The following CCDC175 variants were observed in gnomAD, a reference collection of about 807,000 sequenced individuals.
CCDC175 encodes coiled-coil domain-containing protein 175.
A neutral mutation model predicts 114.6 loss-of-function variants in CCDC175; 100 were observed. That is an observed-to-expected ratio of 0.87 (90% CI 0.74 to 1.03). The LOEUF (loss-of-function observed/expected upper bound fraction) is 1.03. Among genes scored for constraint, CCDC175 ranks in the 50% least tolerant of loss-of-function variants. The pLI, the probability that CCDC175 is intolerant of heterozygous loss-of-function variation, is 0.00. For synonymous variants in CCDC175, 306 were observed against 308.7 expected (o/e 0.99, Z 0.09); for missense variants, 880 against 917.8 (o/e 0.96, Z 0.53).
chr14:59,568,753 A>G (rs1954846217), intron 3 of CCDC175, among the ~76,000 whole-genome samples: 1 of 152,226 alleles, frequency 6.6e-6, no homozygotes, highest in Non-Finnish European at 1.5e-5. Flanking sequence ...GGCAAGCATC[A>G]GACCAGTGAT....
intron 8 of CCDC175, among the ~76,000 whole-genome samples, chr14:59,546,529 C>A (rs1895121413): frequency 6.6e-6 from 1 of 152,122 alleles, no homozygotes; most frequent in African/African-American, 2.4e-5. Flanking sequence ...AATGAAGAAT[C>A]CAGAGCGGTA....
chr14:59,527,314 G>T, intron 14 of CCDC175, 140 bp from the exon 15 acceptor site: 1 of 480,134 alleles, frequency 2.1e-6, no homozygotes, highest in Non-Finnish European at 3.6e-6. Flanking sequence ...ACAATGCTAT[G>T]TTTACTCCTG....
At chr14:59,521,797 G>C in intron 16 of CCDC175, 121 bp from the exon 17 acceptor site, 1 of 590,078 alleles carries the variant, frequency 1.7e-6, no homozygotes, top group Non-Finnish European at 3.0e-6. Context: ...TCTAGGTACA[G>C]GGGTAACAGT....
intron 17 of CCDC175, among the ~76,000 whole-genome samples, chr14:59,513,035 A>G (rs1189512171): frequency 1.3e-5 from 2 of 152,222 alleles, no homozygotes; most frequent in Non-Finnish European, 2.9e-5. Flanking sequence ...ACAACCACAT[A>G]AAATTGATTT....
intron 7 of CCDC175, among the ~76,000 whole-genome samples, chr14:59,553,050 T>A (rs777553234): frequency 2.6e-4 from 40 of 152,162 alleles, no homozygotes; most frequent in Non-Finnish European, 4.8e-4. Flanking sequence ...TGCAGGGAAT[T>A]ATTCAGGAGA....
intron 9 of CCDC175, 90 bp from the exon 10 acceptor site, chr14:59,543,544 T>C (rs773216908): frequency 4.4e-6 from 2 of 455,552 alleles, no homozygotes; most frequent in African/African-American, 2.0e-5. Flanking sequence ...AAAGTTCAGA[T>C]CATGAGCTAT....
chr14:59,568,856 A>G (rs1483051346), intron 3 of CCDC175, among the ~76,000 whole-genome samples: 1 of 152,186 alleles, frequency 6.6e-6, no homozygotes, highest in African/African-American at 2.4e-5. Flanking sequence ...GCTTCTTCTC[A>G]TAATTAATTA....
intron 7 of CCDC175, among the ~76,000 whole-genome samples, chr14:59,557,708 A>G (rs1300121691): frequency 6.6e-6 from 1 of 152,146 alleles, no homozygotes; most frequent in Non-Finnish European, 1.5e-5. Flanking sequence ...CCATCTCCCC[A>G]TATAACATAT....
intron 13 of CCDC175, among the ~76,000 whole-genome samples, chr14:59,533,760 G>A (rs920609343): frequency 3.3e-5 from 5 of 151,890 alleles, no homozygotes; most frequent in Admixed American, 1.3e-4. Flanking sequence ...AGGCAGAGGC[G>A]GGCAGATCAC....
Position 59,505,187 on chromosome 14 carries a change from A to G in CCDC175, c.*52T>C. 1.0e-6 allele frequency: 1 copy of G among 963,544 alleles called. No homozygotes were observed. The highest frequency in any genetic ancestry group is 2.7e-5 in the East Asian group (1 of 37,140). The allele number at this position is 963,544 out of a possible 1,614,324, so 59.7% of individuals were successfully genotyped here. A position where few individuals can be genotyped will look rare whatever the true frequency, so the allele number is the denominator to read the frequency against. ...GCAAAATATGAAAGTAAGTGCACTC[A>G]CTTTTCCTGTAGTAGTCTGTCTTTT... On this transcript the variant is annotated 3_prime_UTR_variant, in exon 20 of 20. Coordinates refer to ENST00000537690, the MANE Select transcript of CCDC175 (RefSeq NM_001164399.2).
intron 8 of CCDC175, among the ~76,000 whole-genome samples, chr14:59,547,870 G>A (rs968341086): frequency 6.6e-6 from 1 of 152,036 alleles, no homozygotes; most frequent in Non-Finnish European, 1.5e-5. Flanking sequence ...CATAAATATT[G>A]TATATTTATG....
chr14:59,548,451 T>C (rs1217371486), intron 8 of CCDC175, among the ~76,000 whole-genome samples: 1 of 152,194 alleles, frequency 6.6e-6, no homozygotes, highest in Non-Finnish European at 1.5e-5. Context: ...GAGCCTTGCA[T>C]TCTTTGAAGT....
chr14:59,510,540 T>C (rs1594971843), intron 19 of CCDC175, 106 bp downstream of exon 19: 8 of 1,076,192 alleles, frequency 7.4e-6, no homozygotes, highest in African/African-American at 3.1e-5. Context: ...TAATTGGGGA[T>C]AACTAAGTCA....
intron 2 of CCDC175, among the ~76,000 whole-genome samples, chr14:59,574,666 C>T (rs1289456040): frequency 1.3e-5 from 2 of 152,150 alleles, no homozygotes; most frequent in African/African-American, 2.4e-5. Flanking sequence ...TTAACTGAAC[C>T]GTATTATCAC....
chr14:59,523,163 A>G (rs1417953267), intron 16 of CCDC175, among the ~76,000 whole-genome samples: 1 of 152,224 alleles, frequency 6.6e-6, no homozygotes, highest in African/African-American at 2.4e-5. Flanking sequence ...GAAATAATCT[A>G]TATCTTGATA....
intron 17 of CCDC175, among the ~76,000 whole-genome samples, chr14:59,520,927 T>C (rs971148722): frequency 1.3e-5 from 2 of 152,230 alleles, no homozygotes; most frequent in African/African-American, 4.8e-5. Context: ...TACAATAGCA[T>C]GTACATTTGT....
rs185322961 is a variant in CCDC175, at chr14:59,547,465, G to A, written c.1036-2166C>T. On this transcript the variant is annotated intron_variant, in intron 8 of 19. Coordinates refer to ENST00000537690, the MANE Select transcript of CCDC175 (RefSeq NM_001164399.2). ...CTGGCCATAAAAACTCATTTTAAAG[G>A]TACTAATTAAGACAATATTGTTTTA... Among the ~76,000 whole-genome samples the A allele has an allele frequency of 2.6e-5, 4 of 152,274 alleles. No individual in the cohort carries two copies. The East Asian group carries it at 7.7e-4, about 29-fold the overall frequency.
intron 7 of CCDC175, among the ~76,000 whole-genome samples, chr14:59,557,911 G>T (rs1385037875): frequency 6.6e-6 from 1 of 152,146 alleles, no homozygotes; most frequent in Non-Finnish European, 1.5e-5. Flanking sequence ...GGGATCAGGA[G>T]ATAAGCAAGT....
At chr14:59,563,040 T>C (rs754333921) in intron 6 of CCDC175, among the ~76,000 whole-genome samples, 1 of 152,144 alleles carries the variant, frequency 6.6e-6, no homozygotes. Flanking sequence ...TCAAGACACA[T>C]AGAAAAAATA....
Sources: gnomAD v4.1 joint callset for allele counts (sites outside exome capture counted in the v4.1 genomes callset) on GRCh38, gnomAD v4.1.1 for gene constraint, MANE v1.5 for transcripts, NCBI Gene and HGNC (gene_info 2026-07-23, HGNC 2026-07-21) for gene names.